ARHGAP39: variants seen among roughly 807,000 people sequenced by gnomAD.
The protein encoded by ARHGAP39 is rho GTPase-activating protein 39.
A neutral mutation model predicts 106.9 loss-of-function variants in ARHGAP39; 44 were observed. That is an observed-to-expected ratio of 0.41 (90% CI 0.32 to 0.53). ARHGAP39 has a LOEUF of 0.53. Among genes scored for constraint, ARHGAP39 ranks in the 20% least tolerant of loss-of-function variants. ARHGAP39 has a pLI of 0.21. For synonymous variants in ARHGAP39, 768 were observed against 693.2 expected, an observed-to-expected ratio of 1.11 and a Z score of -1.69; for missense variants, 1,496 against 1,577.3, an observed-to-expected ratio of 0.95 and a Z score of 0.87.
At chr8:144,545,854 G>A in intron 5 of ARHGAP39, 44 bp from the exon 6 acceptor site, 1 of 1,421,726 alleles carries the variant, frequency 7.0e-7, no homozygotes, top group Non-Finnish European at 9.3e-7. Flanking sequence ...GTGGGGGAGG[G>A]CCAGGCAGGT....
intron 2 of ARHGAP39, among the ~76,000 whole-genome samples, chr8:144,605,051 G>T (rs921382892): frequency 1.3e-5 from 2 of 152,172 alleles, no homozygotes; most frequent in African/African-American, 4.8e-5. Context: ...AGGATCGCTT[G>T]AGCCCAGGAG....
chr8:144,568,333 CAAAAA>C (rs34670018), intron 3 of ARHGAP39, among the ~76,000 whole-genome samples: 11 of 47,294 alleles, frequency 2.3e-4, no homozygotes, highest in African/African-American at 1.0e-3. Flanking sequence ...GACTCTGTCT[CAAAAA>C]AAAAAAAAAA....
Position 144,548,360 on chromosome 8 carries a change from G to A in ARHGAP39, c.726C>T (p.Ser242=). Residue 242 remains serine (S), a synonymous_variant, in exon 5 of 12, where the codon TCC becomes TCT. Transcript: ENST00000377307. This position sits in a 1 kb window ranked among gnomAD's most constrained non-coding sequence, Gnocchi z 7.4. The part of the protein sequence containing the change: ...YAPDGPPGVR[S]RRPSGSQHSP... ...AGTGCTGGCTGCCGGAGGGTCTGCG[G>A]GAGCGGACCCCAGGTGGGCCGTCTG... The A allele has an allele frequency of 6.2e-7, 1 of 1,608,568 alleles. No homozygotes were observed. The highest frequency in any genetic ancestry group is 1.7e-5 in the Admixed American group (1 of 59,696).
chr8:144,621,643 C>T (rs1282824444), intron 1 of ARHGAP39, among the ~76,000 whole-genome samples: 3 of 152,160 alleles, frequency 2.0e-5, no homozygotes, highest in African/African-American at 7.2e-5. Context: ...ATAGTGAAAC[C>T]CCATCTCTAC....
intron 1 of ARHGAP39, among the ~76,000 whole-genome samples, chr8:144,629,768 AGAG>A (rs1169775138): frequency 6.6e-6 from 1 of 152,088 alleles, no homozygotes; most frequent in African/African-American, 2.4e-5. Context: ...TGCGACAGGA[AGAG>A]GAGGAGGGCG....
In ARHGAP39 at chr8:144,645,682, T is replaced by C. The variant is rs1032912868; in HGVS notation, c.-81-39987A>G. On this transcript the variant is annotated intron_variant, in intron 1 of 11. Transcript: ENST00000377307. This position sits in a 1 kb window ranked among gnomAD's most constrained non-coding sequence, Gnocchi z 4.4. ...AAAGTGCAAACATGAGGGATTCTTA[T>C]CCTCTAGAAAAAACCATCCCCAAAC... Among the ~76,000 whole-genome samples, 8 of 152,230 alleles carry C rather than the reference T, an allele frequency of 5.3e-5. No individual in the cohort carries two copies. The highest frequency in any genetic ancestry group is 1.9e-4 in the African/African-American group (8 of 41,458).
Position 144,621,515 on chromosome 8 carries a change from G to A in ARHGAP39, c.-81-15820C>T, listed in dbSNP as rs1228970186. ...GGGAAGGGCTGGGGGGCAGGGCCTG[G>A]CAGGTGGGAGGAAGACAGTGGTGAA... On this transcript the variant is annotated intron_variant, in intron 1 of 11. Transcript: ENST00000377307. Among the ~76,000 whole-genome samples, 5 of 152,358 alleles carry A rather than the reference G, an allele frequency of 3.3e-5. No homozygotes were observed. In the East Asian group the frequency reaches 9.6e-4, roughly 29 times the overall value.
rs950126018 is a variant in ARHGAP39 at position 144,604,513 on chromosome 8, G to T, written c.80+1022C>A. 6.6e-6 allele frequency among the ~76,000 whole-genome samples: 1 copy of T among 152,146 alleles called. No homozygotes were observed. Among genetic ancestry groups the T allele is most frequent in the African/African-American group, 2.4e-5 (1 of 41,412 alleles). On this transcript the variant is annotated intron_variant, in intron 2 of 11. Coordinates refer to ENST00000377307, the MANE Select transcript of ARHGAP39 (RefSeq NM_025251.3). The surrounding 1 kb of genome is among the most constrained non-coding windows in gnomAD (Gnocchi z 4.1). The stretch of plus-strand genomic sequence containing the variant: ...TCACCTCAGCCTCCCGAGTAGCTGA[G>T]ACCATAGGCATCTGCCACCACATCT...
In ARHGAP39 at chr8:144,530,821, G is replaced by A. The variant is rs759171540; in HGVS notation, c.3031C>T (p.His1011Tyr). Residue 1011 changes from histidine to tyrosine, a missense_variant, in exon 11 of 12, where the codon CAC becomes TAC. His to Tyr is a moderately conservative substitution (Grantham distance 83). This residue lies in a region of ARHGAP39 where 470 missense variants were observed against 605.1 expected (regional missense o/e 0.78). Transcript: ENST00000377307. ...GCGATGCACTGCTCGTAGAACTCGT[G>A]CGGGATCAGGGGCTCCTCCAGCTCC... is the stretch of plus-strand genomic sequence containing the variant. Reference protein sequence around the residue: ...YRELEEPLIPHEFYEQCIAHY... With the variant: ...YRELEEPLIPYEFYEQCIAHY... 2 of 1,611,734 alleles carry A rather than the reference G, an allele frequency of 1.2e-6. No individual in the cohort carries two copies. Among genetic ancestry groups the A allele is most frequent in the Admixed American group, 1.7e-5 (1 of 59,982 alleles).
intron 3 of ARHGAP39, among the ~76,000 whole-genome samples, chr8:144,562,433 TGGTTTCCATCGGACTC>T (rs1564849344): frequency 0.031 from 4,617 of 148,154 alleles, 562 homozygotes; most frequent in African/African-American, 0.1. Flanking sequence ...CGGACCCCAG[TGGTTTCCATCGGACTC>T]CAGTGGTTTC....
At chr8:144,581,825 T>C (rs373426651) in intron 2 of ARHGAP39, among the ~76,000 whole-genome samples, 18 of 152,046 alleles carry the variant, frequency 1.2e-4, no homozygotes, top group African/African-American at 3.4e-4. Flanking sequence ...GGGCAGAGTC[T>C]CCACCCGGCC....
In ARHGAP39 at chr8:144,547,459, C is replaced by T; in HGVS notation, c.1627G>A (p.Ala543Thr). The change falls in exon 5 of 12, where the codon GCC becomes ACC. Residue 543 changes from alanine (A) to threonine (T), a missense_variant. Ala to Thr is a moderately conservative substitution (Grantham distance 58). Around this residue, in one of 4 missense-constraint regions of ARHGAP39, gnomAD observed 905 missense variants for 816.4 expected, o/e 1.11. Coordinates refer to ENST00000377307, the MANE Select transcript of ARHGAP39 (RefSeq NM_025251.3). This position sits in a 1 kb window ranked among gnomAD's most constrained non-coding sequence, Gnocchi z 5.2. ...TCGGCCGCGCCCCGCGCCCCTTCGGCCTCACCTTCCGCTCGCTTCACGGGG... is the reference window on the plus strand; with the variant it reads ...TCGGCCGCGCCCCGCGCCCCTTCGGTCTCACCTTCCGCTCGCTTCACGGGG... ...LAPVKRAEGE[A>T]EGARGAAEPF... 4 of 1,559,850 alleles carry T rather than the reference C, an allele frequency of 2.6e-6. No homozygotes were observed. The highest frequency in any genetic ancestry group is 3.5e-6 in the Non-Finnish European group (4 of 1,159,226).
rs1819202356 is a variant in ARHGAP39 at position 144,586,904 on chromosome 8, C to A, written c.81-5627G>T. Among the ~76,000 whole-genome samples, 1 of 150,878 alleles carries A rather than the reference C, an allele frequency of 6.6e-6. No homozygotes were observed. Among genetic ancestry groups the A allele is most frequent in the Admixed American group, 6.6e-5 (1 of 15,258 alleles). On this transcript the variant is annotated intron_variant, in intron 2 of 11. Transcript: ENST00000377307. The surrounding 1 kb of genome is among the most constrained non-coding windows in gnomAD (Gnocchi z 4.2). ...GGTTTGGCTGTGTCCCCACCCAAAT[C>A]TCCTCCTGAGTTGTAGTTCCCACAA...
At chr8:144,600,749 G>A (rs545939057) in intron 2 of ARHGAP39, among the ~76,000 whole-genome samples, 39 of 148,480 alleles carry the variant, frequency 2.6e-4, no homozygotes, top group African/African-American at 7.0e-4. Flanking sequence ...GCGTGCGTGC[G>A]CACTTGTGTA....
In ARHGAP39 at chr8:144,591,543, C is replaced by T. The variant is rs1161044344; in HGVS notation, c.81-10266G>A. Among the ~76,000 whole-genome samples, 5 of 152,142 alleles carry T rather than the reference C, an allele frequency of 3.3e-5. No individual in the cohort carries two copies. Among genetic ancestry groups the T allele is most frequent in the East Asian group, 1.9e-4 (1 of 5,182 alleles). On this transcript the variant is annotated intron_variant, in intron 2 of 11. Coordinates refer to ENST00000377307, the MANE Select transcript of ARHGAP39 (RefSeq NM_025251.3). The surrounding 1 kb of genome is among the most constrained non-coding windows in gnomAD (Gnocchi z 5.3). ...TTGTTCCCTGGGCGCCCCAGCCATG[C>T]GGAACCTCCTGGCTGGTCCACAGGG...
intron 2 of ARHGAP39, among the ~76,000 whole-genome samples, chr8:144,601,818 G>GGCGT (rs1488844666): frequency 7.8e-6 from 1 of 127,602 alleles, no homozygotes; most frequent in Non-Finnish European, 1.6e-5. Flanking sequence ...TGTGTGTGGA[G>GGCGT]GCGTGTGTGC....
chr8:144,576,802 C>T (rs1052838086), intron 3 of ARHGAP39, among the ~76,000 whole-genome samples: 11 of 152,082 alleles, frequency 7.2e-5, no homozygotes, highest in East Asian at 1.9e-4. Flanking sequence ...ACGCCAAGTC[C>T]GCTCGTCCGC....
chr8:144,606,826 A>G (rs1176751585), intron 1 of ARHGAP39, among the ~76,000 whole-genome samples: 1 of 152,226 alleles, frequency 6.6e-6, no homozygotes, highest in East Asian at 1.9e-4. Flanking sequence ...CTAAATGTTA[A>G]AAGTAAAATA....
At chr8:144,535,628 C>T (rs1483254068) in intron 7 of ARHGAP39, among the ~76,000 whole-genome samples, 2 of 152,216 alleles carry the variant, frequency 1.3e-5, no homozygotes, top group East Asian at 1.9e-4. Context: ...CTGGGGCAGA[C>T]GGCAGGGCTG....
Sources: gnomAD v4.1 joint callset for allele counts (sites outside exome capture counted in the v4.1 genomes callset) on GRCh38, gnomAD v4.1.1 for gene constraint, gnomAD v4.1.1 regional missense constraint, Gnocchi (gnomAD v3.1) non-coding constraint, MANE v1.5 for transcripts, NCBI Gene and HGNC (gene_info 2026-07-23, HGNC 2026-07-21) for gene names.